Variants in CLIC5 observed in about 807,000 individuals in gnomAD.
The protein encoded by CLIC5 is chloride intracellular channel protein 5.
A neutral mutation model predicts 24.7 loss-of-function variants in CLIC5; 20 were observed. The observed-to-expected ratio is 0.81, with a 90% confidence interval of 0.57 to 1.18. CLIC5 has a LOEUF of 1.18. CLIC5 is among the 50% of genes most tolerant of loss of function. CLIC5 has a pLI of 0.00. For missense variants in CLIC5, 341 were observed against 326.1 expected (o/e 1.05, Z -0.35); for synonymous variants, 159 against 135.6 (o/e 1.17, Z -1.20).
At chr6:45,908,946 T>G (rs548780154) in intron 5 of CLIC5, among the ~76,000 whole-genome samples, 119 of 152,342 alleles carry the variant, frequency 7.8e-4, no homozygotes, top group Admixed American at 1.9e-3. Context: ...TTTGTGAACC[T>G]GGGTGCTCCA....
At chr6:46,112,984 A>G in the CLIC5 span, among the ~76,000 whole-genome samples, 1 of 152,154 alleles carries the variant, frequency 6.6e-6, no homozygotes, top group Non-Finnish European at 1.5e-5. Context: ...TGAACCCAGG[A>G]GGTGGAGGTT....
intron 1 of CLIC5, among the ~76,000 whole-genome samples, chr6:46,027,982 T>C (rs1234343138): frequency 6.6e-6 from 1 of 152,226 alleles, no homozygotes; most frequent in East Asian, 1.9e-4. Flanking sequence ...TTTTTCTCTC[T>C]GATAAAATTA....
rs1228475648 is a variant in CLIC5 at position 45,900,628 on chromosome 6, T to A, written c.*2460A>T. The A allele has an allele frequency of 6.6e-6, 1 of 152,044 alleles. No homozygotes were observed. The highest frequency in any genetic ancestry group is 2.4e-5 in the African/African-American group (1 of 41,386). 9.4% of individuals were successfully genotyped at this position (152,044 alleles called of 1,614,324 possible). On this transcript the variant is annotated 3_prime_UTR_variant, in exon 6 of 6. Transcript: ENST00000339561. Reference sequence around the variant, plus strand: ...ACCATAACTAACTCTTAGTCCATAGTCACTTGCATTATATGATAATCCAGT... The same window carrying A: ...ACCATAACTAACTCTTAGTCCATAGACACTTGCATTATATGATAATCCAGT...
intron 4 of CLIC5, among the ~76,000 whole-genome samples, chr6:45,939,615 G>A (rs1336913999): frequency 3.3e-5 from 5 of 152,038 alleles, no homozygotes; most frequent in South Asian, 4.2e-4. Flanking sequence ...ATGAGGTCAC[G>A]TTCTGAGATC....
chr6:46,069,999 A>C (rs965735485), intron 1 of CLIC5, among the ~76,000 whole-genome samples: 2 of 152,218 alleles, frequency 1.3e-5, no homozygotes, highest in African/African-American at 2.4e-5. Context: ...GATGCAGAAA[A>C]GGCTTTCTGA....
At chr6:46,047,309 G>A (rs1767980435) in intron 1 of CLIC5, among the ~76,000 whole-genome samples, 2 of 152,200 alleles carry the variant, frequency 1.3e-5, no homozygotes, top group African/African-American at 2.4e-5. Context: ...ATGGTGAAGA[G>A]CTGGCCTTCA....
intron 5 of CLIC5, chr6:45,913,721 A>T (rs1266338525): frequency 1.8e-5 from 20 of 1,112,112 alleles, no homozygotes; most frequent in Non-Finnish European, 2.2e-5. Flanking sequence ...AAGTGACATC[A>T]CTTCTTGCAA....
chr6:46,114,488 C>A, the CLIC5 span, among the ~76,000 whole-genome samples: 2 of 152,180 alleles, frequency 1.3e-5, no homozygotes, highest in Non-Finnish European at 1.5e-5. Context: ...TAGCTACATT[C>A]TGTCAGGTTA....
upstream of CLIC5, among the ~76,000 whole-genome samples, chr6:46,020,579 A>G (rs1767147792): frequency 6.6e-6 from 1 of 151,960 alleles, no homozygotes; most frequent in South Asian, 2.1e-4. Flanking sequence ...AAATATAAAA[A>G]CAGAAATTAA....
At chr6:46,034,934 T>C (rs1359503770) in intron 1 of CLIC5, among the ~76,000 whole-genome samples, 1 of 152,220 alleles carries the variant, frequency 6.6e-6, no homozygotes, top group Non-Finnish European at 1.5e-5. Context: ...GGCAAGTCAC[T>C]TCTCCAATTC....
intron 1 of CLIC5, among the ~76,000 whole-genome samples, chr6:46,047,217 A>G (rs1581897105): frequency 6.6e-6 from 1 of 152,202 alleles, no homozygotes; most frequent in Non-Finnish European, 1.5e-5. Context: ...TAAATTAGGC[A>G]TATATTTAGT....
intron 4 of CLIC5, chr6:45,918,801 A>G (rs1763134609): frequency 3.8e-6 from 1 of 266,550 alleles, no homozygotes. Context: ...CAGCAAGGAA[A>G]TACACTCACT....
intron 1 of CLIC5, among the ~76,000 whole-genome samples, chr6:46,046,615 C>A (rs977909160): frequency 6.6e-6 from 1 of 152,176 alleles, no homozygotes; most frequent in Non-Finnish European, 1.5e-5. Context: ...TGGGTGTATA[C>A]CATGATGATT....
chr6:46,063,934 A>G (rs953832351), intron 1 of CLIC5, among the ~76,000 whole-genome samples: 1 of 152,228 alleles, frequency 6.6e-6, no homozygotes, highest in East Asian at 1.9e-4. Context: ...TTTTTAAAGG[A>G]ACACAACAAA....
Position 46,015,683 on chromosome 6 carries a change from C to A in CLIC5, c.-141G>T. On this transcript the variant is annotated 5_prime_UTR_variant, in exon 1 of 6. Transcript: ENST00000339561. The stretch of plus-strand genomic sequence containing the variant: ...TTAATTTTTCACAAAACCATCTATT[C>A]TCCAGCCCGAGCAGCGGGGTCTGAG... 1 of 1,292,906 alleles carries A rather than the reference C, an allele frequency of 7.7e-7. No individual in the cohort carries two copies. The highest frequency in any genetic ancestry group is 9.9e-7 in the Non-Finnish European group (1 of 1,014,948). 80.1% of individuals were successfully genotyped at this position (1,292,906 alleles called of 1,614,324 possible).
chr6:45,923,855 C>T (rs1224967573), intron 4 of CLIC5, among the ~76,000 whole-genome samples: 1 of 152,188 alleles, frequency 6.6e-6, no homozygotes, highest in African/African-American at 2.4e-5. Flanking sequence ...GGACCAGCTG[C>T]CTGGGCTGGG....
the CLIC5 span, among the ~76,000 whole-genome samples, chr6:46,128,631 G>T: frequency 5.3e-5 from 8 of 152,182 alleles, no homozygotes; most frequent in Admixed American, 1.3e-4. Context: ...AACAAGACGC[G>T]TTTTGCAGAT....
intron 4 of CLIC5, among the ~76,000 whole-genome samples, chr6:45,932,032 C>A (rs191419723): frequency 1.1e-4 from 16 of 152,316 alleles, no homozygotes; most frequent in Admixed American, 9.1e-4. Context: ...AAAGATCCAG[C>A]CTCTTTTTGG....
the CLIC5 span, among the ~76,000 whole-genome samples, chr6:46,113,553 G>A: frequency 6.6e-6 from 1 of 152,274 alleles, no homozygotes; most frequent in East Asian, 1.9e-4. Context: ...ATATGACACC[G>A]GCCAGCAGGT....
Sources: gnomAD v4.1 joint callset for allele counts (sites outside exome capture counted in the v4.1 genomes callset) on GRCh38, gnomAD v4.1.1 for gene constraint, MANE v1.5 for transcripts, NCBI Gene and HGNC (gene_info 2026-07-23, HGNC 2026-07-21) for gene names.